The following RBFOX1 variants were observed in gnomAD, a reference collection of about 807,000 sequenced individuals.
RBFOX1 encodes RNA binding protein fox-1 homolog 1.
RBFOX1 carries 8 observed loss-of-function variants against 57.7 expected under a neutral mutation model. That is an observed-to-expected ratio of 0.14 (90% CI 0.08 to 0.25). RBFOX1 has a LOEUF of 0.25. Ranked by LOEUF, RBFOX1 falls within the 10% of genes least tolerant of loss-of-function variation. The probability of loss-of-function intolerance (pLI) is 1.00; values close to 1 mark genes in which losing one functional copy is unlikely to be tolerated. For synonymous variants in RBFOX1, 326 were observed against 222.4 expected, an observed-to-expected ratio of 1.47 and a Z score of -4.15; for missense variants, 611 against 548.5, an observed-to-expected ratio of 1.11 and a Z score of -1.14.
At chr16:7,670,524 G>T (rs1405035845) in intron 13 of RBFOX1, among the ~76,000 whole-genome samples, 2 of 152,140 alleles carry the variant, frequency 1.3e-5, no homozygotes, top group African/African-American at 4.8e-5. Context: ...AGGGAGAGAA[G>T]TAAAAGCATA....
At position 5,947,181 on chromosome 16, in the gene RBFOX1, T is replaced by C. The variant is rs985722689; in HGVS notation, c.351+79846T>C. On this transcript the variant is annotated intron_variant, in intron 4 of 19. Coordinates refer to the RBFOX1 transcript ENST00000641259. The surrounding 1 kb of genome is among the most constrained non-coding windows in gnomAD (Gnocchi z 7.2). ...CAGCGAGCCGTGATTCTGCCACTGC[T>C]CTCCAGCCTGGGTGGCAGAGTGAGA... Among the ~76,000 whole-genome samples, 1 of 151,998 alleles carries C rather than the reference T, an allele frequency of 6.6e-6. No homozygotes were observed. Among genetic ancestry groups the C allele is most frequent in the Non-Finnish European group, 1.5e-5 (1 of 68,010 alleles).
intron 1 of RBFOX1, among the ~76,000 whole-genome samples, chr16:6,126,719 C>G (rs972779555): frequency 1.3e-5 from 2 of 152,074 alleles, no homozygotes; most frequent in Non-Finnish European, 2.9e-5. Flanking sequence ...TACACCAGAA[C>G]TCTCTAAAAC....
intron 3 of RBFOX1, among the ~76,000 whole-genome samples, chr16:5,722,474 A>G (rs2151537031): frequency 6.6e-6 from 1 of 152,208 alleles, no homozygotes; most frequent in East Asian, 1.9e-4. Context: ...ATACAATTAG[A>G]CTCAGCGCGA....
At chr16:5,643,465 C>T (rs749672195) in intron 3 of RBFOX1, among the ~76,000 whole-genome samples, 3 of 152,144 alleles carry the variant, frequency 2.0e-5, no homozygotes, top group Non-Finnish European at 4.4e-5. Context: ...AGTAGAGCTT[C>T]TCTGCTGAGA....
intron 2 of RBFOX1, among the ~76,000 whole-genome samples, chr16:6,413,390 C>G (rs1236694001): frequency 6.6e-6 from 1 of 151,788 alleles, no homozygotes; most frequent in Non-Finnish European, 1.5e-5. Context: ...TCTTGAACCC[C>G]TGGGCTCAAG....
At position 6,760,190 on chromosome 16, in the gene RBFOX1, A is replaced by G. The variant is rs143068375; in HGVS notation, c.-16+105540A>G. Among the ~76,000 whole-genome samples, 12 of 152,320 alleles carry G rather than the reference A, an allele frequency of 7.9e-5. No homozygotes were observed. In the East Asian group the frequency reaches 2.3e-3, roughly 29 times the overall value. On this transcript the variant is annotated intron_variant, in intron 3 of 15. Coordinates refer to ENST00000550418, the MANE Select transcript of RBFOX1 (RefSeq NM_018723.4). ...AGCATCGCTATGTTTGACTCCTTGGATATTTATTCTCTAAATAGTTTGTAA... is the reference window on the plus strand; with the variant it reads ...AGCATCGCTATGTTTGACTCCTTGGGTATTTATTCTCTAAATAGTTTGTAA...
chr16:6,206,504 A>G (rs2097256250), intron 1 of RBFOX1, among the ~76,000 whole-genome samples: 3 of 152,196 alleles, frequency 2.0e-5, no homozygotes, highest in African/African-American at 7.2e-5. Context: ...AGGCTCCCTG[A>G]TGGCAGAGGT....
chr16:6,615,494 CA>C (rs2098128992), intron 2 of RBFOX1, among the ~76,000 whole-genome samples: 2 of 151,894 alleles, frequency 1.3e-5, no homozygotes, highest in Non-Finnish European at 2.9e-5. Flanking sequence ...TGCTTGAACC[CA>C]AGGGGCAGAG....
chr16:5,429,307 G>A (rs1045471460), intron 1 of RBFOX1, among the ~76,000 whole-genome samples: 15 of 152,182 alleles, frequency 9.9e-5, no homozygotes, highest in Non-Finnish European at 1.8e-4. Flanking sequence ...AGGCCTTTGC[G>A]GTTTGGGTTC....
intron 3 of RBFOX1, among the ~76,000 whole-genome samples, chr16:6,895,436 GTGTGTGTGTGTGTATATA>G: frequency 1.2e-5 from 1 of 85,778 alleles, no homozygotes; most frequent in Middle Eastern, 5.7e-3. Flanking sequence ...GTGTGTGTGT[GTGTGTGTGTGTGTATATA>G]TATATATATA....
At chr16:6,508,328 A>G (rs2096163727) in intron 2 of RBFOX1, among the ~76,000 whole-genome samples, 2 of 152,286 alleles carry the variant, frequency 1.3e-5, no homozygotes, top group South Asian at 2.1e-4. Context: ...CAAGTTACCT[A>G]TGTAACAAAC....
chr16:7,486,848 C>T (rs1599705739), intron 4 of RBFOX1, among the ~76,000 whole-genome samples: 1 of 152,302 alleles, frequency 6.6e-6, no homozygotes, highest in South Asian at 2.1e-4. Context: ...TGTTTTTGTT[C>T]AGCCTCCTTG....
At chr16:5,852,070 T>C (rs1038344532) in intron 3 of RBFOX1, among the ~76,000 whole-genome samples, 3 of 152,190 alleles carry the variant, frequency 2.0e-5, no homozygotes, top group Admixed American at 6.5e-5. Flanking sequence ...TGGCATTATA[T>C]GTTAAAAGTA....
At chr16:6,767,165 C>T (rs146325890) in intron 3 of RBFOX1, among the ~76,000 whole-genome samples, 58 of 152,206 alleles carry the variant, frequency 3.8e-4, no homozygotes, top group South Asian at 2.9e-3. Context: ...GGCTCCTTAC[C>T]GAGCTCTAGA....
chr16:6,589,346 AT>A (rs2097677515), intron 2 of RBFOX1, among the ~76,000 whole-genome samples: 1 of 152,188 alleles, frequency 6.6e-6, no homozygotes, highest in Non-Finnish European at 1.5e-5. Flanking sequence ...GCGTGTTGTT[AT>A]TACTCAAATT....
intron 3 of RBFOX1, among the ~76,000 whole-genome samples, chr16:6,664,152 T>C (rs2098718015): frequency 6.6e-6 from 1 of 152,206 alleles, no homozygotes; most frequent in Non-Finnish European, 1.5e-5. Context: ...AGTTCCCTTC[T>C]GGTCCAGCCA....
intron 3 of RBFOX1, among the ~76,000 whole-genome samples, chr16:6,701,371 C>A (rs961363568): frequency 1.3e-5 from 2 of 152,338 alleles, no homozygotes; most frequent in East Asian, 1.9e-4. Flanking sequence ...TTACCATCAT[C>A]TTACTGACTC....
At chr16:6,325,161 G>C (rs900795033) in intron 2 of RBFOX1, among the ~76,000 whole-genome samples, 5 of 151,990 alleles carry the variant, frequency 3.3e-5, no homozygotes, top group Non-Finnish European at 2.9e-5. Flanking sequence ...TTTAAGACCA[G>C]CCTGGGCAAC....
intron 1 of RBFOX1, among the ~76,000 whole-genome samples, chr16:6,214,654 A>C (rs1467040556): frequency 9.2e-6 from 1 of 108,354 alleles, no homozygotes; most frequent in Non-Finnish European, 1.8e-5. Context: ...GGACAGGGAG[A>C]GAGGGAGAAG....
Sources: allele counts gnomAD v4.1 joint callset (sites outside exome capture counted in the v4.1 genomes callset), GRCh38; gene constraint gnomAD v4.1.1; non-coding constraint Gnocchi (gnomAD v3.1); transcripts MANE v1.5; gene names NCBI Gene and HGNC (gene_info 2026-07-23, HGNC 2026-07-21).